ARHGAP10: variants seen among roughly 807,000 people sequenced by gnomAD.
The protein encoded by ARHGAP10 is rho GTPase-activating protein 10.
ARHGAP10 carries 87 observed loss-of-function variants against 108.6 expected under a neutral mutation model. The ratio of observed to expected loss-of-function variants is 0.80; its 90% CI spans 0.67 to 0.96. ARHGAP10 has a LOEUF of 0.96. ARHGAP10 is among the 40% of genes least tolerant of loss of function. ARHGAP10 has a pLI of 0.00. For synonymous variants in ARHGAP10, 347 were observed against 341.1 expected (o/e 1.02, Z -0.19); for missense variants, 939 against 954.5 (o/e 0.98, Z 0.21).
chr4:147,891,973 C>T (rs911821521), intron 10 of ARHGAP10, among the ~76,000 whole-genome samples: 14 of 152,100 alleles, frequency 9.2e-5, no homozygotes, highest in African/African-American at 2.7e-4. Context: ...CACACATTTG[C>T]TTGATAAATA....
At chr4:148,018,624 T>C (rs949179928) in intron 18 of ARHGAP10, among the ~76,000 whole-genome samples, 5 of 149,840 alleles carry the variant, frequency 3.3e-5, no homozygotes, top group African/African-American at 1.2e-4. Flanking sequence ...ACAAAGTAAA[T>C]GCACATAAAG....
At chr4:147,747,212 C>T (rs1272653864) in intron 1 of ARHGAP10, among the ~76,000 whole-genome samples, 1 of 151,870 alleles carries the variant, frequency 6.6e-6, no homozygotes, top group Non-Finnish European at 1.5e-5. Context: ...TCACCGGAGT[C>T]ATGCTGATTC....
In ARHGAP10 at chr4:148,063,304, C is replaced by T. The variant is rs192535881; in HGVS notation, c.2180+4C>T. ...TAGCGGACAAGCCACCTGAAAGGTA[C>T]GTGGTTTGGAGTGGAATGTGGAATA... On this transcript the variant is annotated splice_donor_region_variant and intron_variant, in intron 21 of 22. Transcript: ENST00000336498. 3.8e-5 allele frequency: 62 copies of T among 1,614,054 alleles called. No individual in the cohort carries two copies. The Admixed American group carries it at 5.8e-4, about 15-fold the overall frequency.
chr4:147,825,446 C>CAA (rs35438984), intron 3 of ARHGAP10, among the ~76,000 whole-genome samples: 19 of 139,286 alleles, frequency 1.4e-4, no homozygotes, highest in Non-Finnish European at 2.2e-4. Context: ...GACTCCATCT[C>CAA]AAAAAAAAAA....
At chr4:147,845,501 C>G (rs373327910) in intron 3 of ARHGAP10, among the ~76,000 whole-genome samples, 1 of 152,142 alleles carries the variant, frequency 6.6e-6, no homozygotes, top group African/African-American at 2.4e-5. Flanking sequence ...GGAGAAGCAC[C>G]TCTTTGGTAC....
chr4:147,834,279 G>A (rs1733074407), intron 3 of ARHGAP10, among the ~76,000 whole-genome samples: 1 of 151,968 alleles, frequency 6.6e-6, no homozygotes, highest in Admixed American at 6.6e-5. Context: ...AACCAGTCTG[G>A]GCAACATAAT....
At chr4:147,741,828 A>C (rs929226051) in intron 1 of ARHGAP10, among the ~76,000 whole-genome samples, 17 of 147,394 alleles carry the variant, frequency 1.2e-4, no homozygotes, top group African/African-American at 3.7e-4. Flanking sequence ...ACACACACAC[A>C]CCAGGCGCTT....
chr4:148,023,196 TTA>T (rs1741635120), intron 18 of ARHGAP10, 65 bp from the exon 19 acceptor site: 93 of 1,563,400 alleles, frequency 5.9e-5, no homozygotes, highest in Non-Finnish European at 8.0e-5. Flanking sequence ...TGGTGCTGGT[TTA>T]CTGGAGTAAC....
chr4:147,929,871 T>C (rs1737605546), intron 13 of ARHGAP10, among the ~76,000 whole-genome samples: 1 of 152,216 alleles, frequency 6.6e-6, no homozygotes, highest in Admixed American at 6.5e-5. Flanking sequence ...GTTTGTTTGT[T>C]GTATAACCCA....
chr4:148,043,614 A>AATATATATATATATATATATATAGATAT (rs1728728839), intron 19 of ARHGAP10, among the ~76,000 whole-genome samples: 1 of 54,978 alleles, frequency 1.8e-5, no homozygotes, highest in East Asian at 3.8e-4. Flanking sequence ...CCCTCTCTCT[A>AATATATATATATATATATATATAGATAT]ATATATATAT....
chr4:147,969,428 G>A (rs565643309), intron 18 of ARHGAP10, among the ~76,000 whole-genome samples: 21 of 146,354 alleles, frequency 1.4e-4, no homozygotes, highest in African/African-American at 4.8e-4. Flanking sequence ...AAGCCATCCA[G>A]ACAGCTCATG....
chr4:148,019,565 C>CA (rs957674145), intron 18 of ARHGAP10, among the ~76,000 whole-genome samples: 1 of 152,056 alleles, frequency 6.6e-6, no homozygotes, highest in African/African-American at 2.4e-5. Flanking sequence ...GCCTAACCAA[C>CA]ATGGTGAAAC....
At chr4:147,762,510 ATTTATTTATT>A (rs1229102051) in intron 1 of ARHGAP10, among the ~76,000 whole-genome samples, 11 of 149,706 alleles carry the variant, frequency 7.3e-5, no homozygotes, top group African/African-American at 1.5e-4. Context: ...TTATTTATTT[ATTTATTTATT>A]TTTATTTATT....
At chr4:147,917,566 A>C (rs977009204) in intron 13 of ARHGAP10, among the ~76,000 whole-genome samples, 2 of 152,320 alleles carry the variant, frequency 1.3e-5, no homozygotes, top group Non-Finnish European at 2.9e-5. Context: ...GCCATAAGTT[A>C]GTTTTTTTCT....
intron 1 of ARHGAP10, among the ~76,000 whole-genome samples, chr4:147,766,956 C>A (rs1021043059): frequency 6.6e-6 from 1 of 151,512 alleles, no homozygotes; most frequent in African/African-American, 2.4e-5. Context: ...TCAAGCGATT[C>A]TCCTGCCTCA....
intron 13 of ARHGAP10, among the ~76,000 whole-genome samples, chr4:147,936,203 G>A (rs1737926104): frequency 2.0e-5 from 3 of 151,886 alleles, no homozygotes; most frequent in Admixed American, 2.0e-4. Flanking sequence ...AAGGATTGAG[G>A]CTCAATCTTT....
intron 18 of ARHGAP10, among the ~76,000 whole-genome samples, chr4:148,021,335 C>T (rs189321933): frequency 5.3e-5 from 8 of 152,262 alleles, no homozygotes; most frequent in East Asian, 1.9e-4. Context: ...TCAGCATTTG[C>T]GCTGTTCCAG....
chr4:148,036,453 C>T (rs1278026940), intron 19 of ARHGAP10, among the ~76,000 whole-genome samples: 1 of 152,172 alleles, frequency 6.6e-6, no homozygotes, highest in African/African-American at 2.4e-5. Flanking sequence ...GAGCAGTTAC[C>T]TCCATGTTGT....
At chr4:147,995,623 A>C (rs890053947) in intron 18 of ARHGAP10, among the ~76,000 whole-genome samples, 2 of 151,196 alleles carry the variant, frequency 1.3e-5, no homozygotes, top group African/African-American at 4.9e-5. Context: ...ACAGACCACC[A>C]GTAGGTTAGA....
Sources: allele counts gnomAD v4.1 joint callset (sites outside exome capture counted in the v4.1 genomes callset), GRCh38; gene constraint gnomAD v4.1.1; transcripts MANE v1.5; gene names NCBI Gene and HGNC (gene_info 2026-07-23, HGNC 2026-07-21).